The following CHCHD3 variants were observed in gnomAD, a reference collection of about 807,000 sequenced individuals.
CHCHD3 encodes the protein MICOS complex subunit MIC19.
Under a neutral mutation model 38.2 loss-of-function variants are expected in CHCHD3, and 20 were observed. The observed-to-expected ratio is 0.52, with a 90% CI of 0.37 to 0.76. The LOEUF (loss-of-function observed/expected upper bound fraction) is 0.76. CHCHD3 is among the 30% of genes least tolerant of loss of function. CHCHD3 has a pLI of 0.00. For synonymous variants in CHCHD3, 82 were observed against 100.0 expected, an observed-to-expected ratio of 0.82 and a Z score of 1.07; for missense variants, 245 against 279.2, an observed-to-expected ratio of 0.88 and a Z score of 0.87.
At chr7:132,985,117 T>C (rs1219666972) in intron 3 of CHCHD3, among the ~76,000 whole-genome samples, 1 of 69,868 alleles carries the variant, frequency 1.4e-5, no homozygotes, top group Non-Finnish European at 2.9e-5. Flanking sequence ...ATCCGGGAGG[T>C]GAGGGGCGCC....
intron 5 of CHCHD3, among the ~76,000 whole-genome samples, chr7:132,862,226 G>T (rs1808514026): frequency 6.6e-6 from 1 of 151,894 alleles, no homozygotes; most frequent in Non-Finnish European, 1.5e-5. Context: ...GGAGAAATGA[G>T]GGGAGAGAAA....
At chr7:132,818,560 A>G (rs1268791748) in intron 6 of CHCHD3, among the ~76,000 whole-genome samples, 3 of 152,198 alleles carry the variant, frequency 2.0e-5, no homozygotes, top group Non-Finnish European at 2.9e-5. Flanking sequence ...ATAAGAAGAA[A>G]ACTTGTTATG....
chr7:132,909,236 G>A (rs979596291), intron 4 of CHCHD3, among the ~76,000 whole-genome samples: 5 of 152,104 alleles, frequency 3.3e-5, no homozygotes, highest in South Asian at 2.1e-4. Context: ...GGTGGTTCAC[G>A]CTGTCCCCGC....
intron 6 of CHCHD3, among the ~76,000 whole-genome samples, chr7:132,799,399 T>C (rs1423178723): frequency 6.6e-6 from 1 of 152,202 alleles, no homozygotes; most frequent in East Asian, 1.9e-4. Context: ...CATATATTCA[T>C]AGAGTCAGCA....
intron 4 of CHCHD3, among the ~76,000 whole-genome samples, chr7:132,954,618 G>A (rs187142652): frequency 2.0e-5 from 3 of 152,144 alleles, no homozygotes; most frequent in Non-Finnish European, 2.9e-5. Context: ...ACAAAAGACG[G>A]ACTCTACAAT....
At chr7:133,051,333 T>C (rs984254880) in intron 2 of CHCHD3, among the ~76,000 whole-genome samples, 2 of 152,132 alleles carry the variant, frequency 1.3e-5, no homozygotes, top group Admixed American at 6.5e-5. Context: ...CGCGGGGAGA[T>C]AGCATGACAC....
intron 5 of CHCHD3, among the ~76,000 whole-genome samples, chr7:132,871,820 T>C (rs1045112360): frequency 1.3e-5 from 2 of 152,158 alleles, no homozygotes; most frequent in African/African-American, 4.8e-5. Context: ...CAACATCCCC[T>C]CATCATCTAC....
At chr7:133,004,588 A>C (rs1245066794) in intron 3 of CHCHD3, among the ~76,000 whole-genome samples, 1 of 152,234 alleles carries the variant, frequency 6.6e-6, no homozygotes, top group Non-Finnish European at 1.5e-5. Context: ...GGACCACTTA[A>C]GCCCAGAAGT....
chr7:133,000,957 C>T (rs2117390698), intron 3 of CHCHD3, among the ~76,000 whole-genome samples: 1 of 152,204 alleles, frequency 6.6e-6, no homozygotes. Flanking sequence ...ATTTCTATTC[C>T]AAAACTTCAA....
chr7:132,968,910 T>C (rs983177579), intron 4 of CHCHD3, among the ~76,000 whole-genome samples: 3 of 152,212 alleles, frequency 2.0e-5, no homozygotes, highest in African/African-American at 7.2e-5. Context: ...TTTTTCTCTA[T>C]ATCCCAAATT....
At chr7:132,907,734 T>G (rs908131519) in intron 4 of CHCHD3, among the ~76,000 whole-genome samples, 1 of 152,126 alleles carries the variant, frequency 6.6e-6, no homozygotes, top group African/African-American at 2.4e-5. Flanking sequence ...TCTTGGTATG[T>G]AGGATGGATT....
intron 4 of CHCHD3, among the ~76,000 whole-genome samples, chr7:132,934,994 A>G (rs1344105735): frequency 6.6e-6 from 1 of 152,226 alleles, no homozygotes; most frequent in Non-Finnish European, 1.5e-5. Flanking sequence ...GGAATAAAAG[A>G]GCTTTATAAA....
At chr7:132,934,358 A>G (rs913408769) in intron 4 of CHCHD3, among the ~76,000 whole-genome samples, 5 of 152,148 alleles carry the variant, frequency 3.3e-5, no homozygotes, top group Admixed American at 3.3e-4. Context: ...GGGCTCACAC[A>G]TTGAGGATCT....
intron 3 of CHCHD3, among the ~76,000 whole-genome samples, chr7:133,020,368 G>A (rs1813145922): frequency 6.6e-6 from 1 of 152,110 alleles, no homozygotes; most frequent in Non-Finnish European, 1.5e-5. Context: ...GAGATTTAAT[G>A]GGGTTGGGGT....
intron 2 of CHCHD3, among the ~76,000 whole-genome samples, chr7:133,059,807 A>G (rs1814447885): frequency 6.6e-6 from 1 of 152,144 alleles, no homozygotes; most frequent in African/African-American, 2.4e-5. Flanking sequence ...CTTGCCTCTT[A>G]GTGGACACAG....
chr7:132,904,036 G>T (rs187842172), intron 4 of CHCHD3, among the ~76,000 whole-genome samples: 1 of 152,090 alleles, frequency 6.6e-6, no homozygotes. Context: ...GAGGTGGGGG[G>T]ATCATTTGAG....
chr7:132,993,337 C>T (rs777315868), intron 3 of CHCHD3, among the ~76,000 whole-genome samples: 1 of 152,166 alleles, frequency 6.6e-6, no homozygotes, highest in Non-Finnish European at 1.5e-5. Context: ...ATATAACATG[C>T]ATGAAGTTAC....
At chr7:132,945,602 A>G (rs560295866) in intron 4 of CHCHD3, among the ~76,000 whole-genome samples, 103 of 152,060 alleles carry the variant, frequency 6.8e-4, no homozygotes, top group African/African-American at 2.4e-3. Context: ...AACACATATG[A>G]GAGTAAGCTG....
intron 3 of CHCHD3, among the ~76,000 whole-genome samples, chr7:133,014,872 C>G (rs925738330): frequency 5.9e-5 from 9 of 152,146 alleles, no homozygotes; most frequent in Non-Finnish European, 1.3e-4. Context: ...ACGTGCCTCA[C>G]TGACCAGCAG....
Sources: gnomAD v4.1 joint callset for allele counts (sites outside exome capture counted in the v4.1 genomes callset) on GRCh38, gnomAD v4.1.1 for gene constraint, MANE v1.5 for transcripts, NCBI Gene and HGNC (gene_info 2026-07-23, HGNC 2026-07-21) for gene names.